Variants in MYBL2 observed in about 807,000 individuals in gnomAD.
MYBL2 encodes MYB proto-oncogene like 2.
Under a neutral mutation model 79.9 loss-of-function variants are expected in MYBL2, and 28 were observed. The ratio of observed to expected loss-of-function variants is 0.35; its 90% confidence interval spans 0.26 to 0.48. MYBL2 has a LOEUF of 0.48. Ranked by LOEUF, MYBL2 falls within the 20% of genes least tolerant of loss-of-function variation. The probability of loss-of-function intolerance (pLI) is 0.99; values close to 1 mark genes in which losing one functional copy is unlikely to be tolerated. For synonymous variants in MYBL2, 378 were observed against 361.2 expected (o/e 1.05, Z -0.53); for missense variants, 735 against 893.9 (o/e 0.82, Z 2.27).
At position 43,702,641 on chromosome 20, in the gene MYBL2, T is replaced by C. The variant is rs747340803; in HGVS notation, c.1103T>C (p.Val368Ala). Residue 368 changes from valine (V) to alanine (A), a missense_variant, in exon 8 of 14, where the codon GTG (valine) becomes GCG (alanine). Val to Ala is a moderately conservative substitution (Grantham distance 64, BLOSUM62 0). Around this residue, in one of 5 missense-constraint regions of MYBL2, gnomAD observed 243 missense variants for 327.2 expected, o/e 0.74. Transcript: ENST00000217026. ...PRQPSALVPS[V>A]TEYRLDGHTI... Reference sequence around the variant, plus strand: ...CAGCCTTCCGCCCTGGTGCCCAGTGTGACCGAGTACCGCCTGGATGGCCAC... The same window carrying C: ...CAGCCTTCCGCCCTGGTGCCCAGTGCGACCGAGTACCGCCTGGATGGCCAC... 6 of 1,614,098 alleles carry C rather than the reference T, an allele frequency of 3.7e-6. No homozygotes were observed. Among genetic ancestry groups the C allele is most frequent in the Admixed American group, 1.7e-5 (1 of 60,014 alleles).
At chr20:43,705,098 C>T (rs1987750402) in intron 8 of MYBL2, 121 bp from the exon 9 acceptor site, 1 of 1,291,540 alleles carries the variant, frequency 7.7e-7, no homozygotes, top group African/African-American at 1.5e-5. Context: ...GAGGGGACCT[C>T]AGTATCAGAG....
Position 43,699,944 on chromosome 20 carries a change from C to G in MYBL2, c.851C>G (p.Pro284Arg), listed in dbSNP as rs200262962. 2.5e-5 allele frequency: 40 copies of G among 1,614,042 alleles called. No individual in the cohort carries two copies. The highest frequency in any genetic ancestry group is 3.1e-5 in the Non-Finnish European group (37 of 1,180,044). Residue 284 changes from proline (P) to arginine (R), a missense_variant, in exon 7 of 14, where the codon CCA becomes CGA. By Grantham distance (103) the Pro-to-Arg change is moderately radical. This residue lies in a region of MYBL2 where 144 missense variants were observed against 131.9 expected (regional missense o/e 1.09). Coordinates refer to ENST00000217026, the MANE Select transcript of MYBL2 (RefSeq NM_002466.4). Reference sequence around the variant, plus strand: ...CGTGAGGACCAGGAAGGCTCCCCACCAGAAACGAGCCTGCCTTACAAGTGG... The same window carrying G: ...CGTGAGGACCAGGAAGGCTCCCCACGAGAAACGAGCCTGCCTTACAAGTGG... ...PKREDQEGSP[P>R]ETSLPYKWVV... is the part of the protein sequence containing the mutation.
At chr20:43,685,137 A>C (rs1354513221) in intron 4 of MYBL2, among the ~76,000 whole-genome samples, 1 of 88,372 alleles carries the variant, frequency 1.1e-5, no homozygotes, top group African/African-American at 3.8e-5. Flanking sequence ...GCAGGAGCGA[A>C]ACTCTGTCTC....
chr20:43,678,078 C>T (rs944274977), intron 2 of MYBL2, among the ~76,000 whole-genome samples: 1 of 150,342 alleles, frequency 6.7e-6, no homozygotes, highest in African/African-American at 2.5e-5. Flanking sequence ...GCAAGATGTG[C>T]TTTGTTAAAC....
intron 6 of MYBL2, among the ~76,000 whole-genome samples, chr20:43,695,730 C>T (rs1987524783): frequency 8.8e-6 from 1 of 113,836 alleles, no homozygotes; most frequent in South Asian, 3.4e-4. Context: ...CCTGTAGTTC[C>T]AACTACTTTG....
rs777564591 is a variant in MYBL2 at position 43,709,991 on chromosome 20, A to G, written c.1534A>G (p.Met512Val). The stretch of plus-strand genomic sequence containing the variant: ...TGTAACCCCAGATCAGAAGTACTCC[A>G]TGGACAACACTCCCCACACGCCAAC... Reference protein sequence around the residue: ...AFVTPDQKYSMDNTPHTPTPF... With the variant: ...AFVTPDQKYSVDNTPHTPTPF... Residue 512 changes from methionine to valine, a missense_variant, in exon 10 of 14, where the codon ATG becomes GTG. Physicochemically the swap from Met to Val is conservative, Grantham distance 21. This residue lies in a region of MYBL2 where 243 missense variants were observed against 327.2 expected (regional missense o/e 0.74). Coordinates refer to ENST00000217026, the MANE Select transcript of MYBL2 (RefSeq NM_002466.4). 2 of 1,608,798 alleles carry G rather than the reference A, an allele frequency of 1.2e-6. No homozygotes were observed. The highest frequency in any genetic ancestry group is 2.2e-5 in the East Asian group (1 of 44,712).
rs200574677 is a variant in MYBL2, at chr20:43,702,700, G to A, written c.1162G>A (p.Glu388Lys). ...ISDLSRSSRG[E>K]LIPISPSTEV... is the part of the protein sequence containing the mutation. ...AGACCTGAGCCGGAGCAGCCGGGGC[G>A]AGCTGATCCCCATCTCCCCCAGCAC... The change falls in exon 8 of 14, where the codon GAG (glutamate) becomes AAG (lysine). Residue 388 changes from glutamate to lysine, a missense_variant. Coordinates refer to ENST00000217026, the MANE Select transcript of MYBL2 (RefSeq NM_002466.4). 15 of 1,613,570 alleles carry A rather than the reference G, an allele frequency of 9.3e-6. No homozygotes were observed. The highest frequency in any genetic ancestry group is 3.3e-5 in the Admixed American group (2 of 60,010).
At chr20:43,675,096 C>T (rs1307263136) in intron 2 of MYBL2, among the ~76,000 whole-genome samples, 1 of 152,034 alleles carries the variant, frequency 6.6e-6, no homozygotes. Flanking sequence ...CCTCCCCCGT[C>T]AGCCTCCTGA....
chr20:43,678,710 T>A (rs1034479913), intron 2 of MYBL2, among the ~76,000 whole-genome samples: 2 of 151,600 alleles, frequency 1.3e-5, no homozygotes, highest in African/African-American at 2.4e-5. Context: ...TACAAAAAAT[T>A]AGCTGGGTGT....
chr20:43,677,105 G>A (rs1027360592), intron 2 of MYBL2, among the ~76,000 whole-genome samples: 10 of 152,160 alleles, frequency 6.6e-5, no homozygotes, highest in Non-Finnish European at 1.3e-4. Context: ...CATGAAAGAT[G>A]TTTTTCCAGA....
intron 7 of MYBL2, 92 bp downstream of exon 7, chr20:43,700,136 C>T (rs285164): frequency 0.19 from 288,275 of 1,486,884 alleles, 29,304 homozygotes; most frequent in East Asian, 0.32. Flanking sequence ...CTCATTCCAT[C>T]GCCCTGCTAA....
At chr20:43,711,955 A>G (rs1310527606) in intron 11 of MYBL2, among the ~76,000 whole-genome samples, 1 of 152,134 alleles carries the variant, frequency 6.6e-6, no homozygotes, top group Non-Finnish European at 1.5e-5. Flanking sequence ...CAGACACACC[A>G]TGACTGAATT....
chr20:43,679,980 C>T (rs536061511), intron 2 of MYBL2, among the ~76,000 whole-genome samples: 76 of 151,708 alleles, frequency 5.0e-4, no homozygotes, highest in Middle Eastern at 3.5e-3. Flanking sequence ...CACCCTCCAG[C>T]CCTTGGCAGC....
rs1368612020 is a variant in MYBL2 at position 43,699,961 on chromosome 20, T to C, written c.868T>C (p.Tyr290His). ...CTCCCCACCAGAAACGAGCCTGCCT[T>C]ACAAGTGGGTGGTGGAGGCAGCTAA... ...EGSPPETSLP[Y>H]KWVVEAANLL... The change falls in exon 7 of 14, where the codon TAC (tyrosine) becomes CAC (histidine). Residue 290 changes from tyrosine to histidine, a missense_variant. Physicochemically the swap from Tyr to His is moderately conservative, Grantham distance 83. Around this residue, in one of 5 missense-constraint regions of MYBL2, gnomAD observed 243 missense variants for 327.2 expected, o/e 0.74. Coordinates refer to ENST00000217026, the MANE Select transcript of MYBL2 (RefSeq NM_002466.4). The C allele has an allele frequency of 6.2e-7, 1 of 1,614,028 alleles. No homozygotes were observed. The highest frequency in any genetic ancestry group is 8.5e-7 in the Non-Finnish European group (1 of 1,180,020).
intron 3 of MYBL2, among the ~76,000 whole-genome samples, chr20:43,682,411 A>T (rs572727997): frequency 6.6e-6 from 1 of 152,160 alleles, no homozygotes; most frequent in Non-Finnish European, 1.5e-5. Context: ...ATGTCACCAG[A>T]TCCTTTCCTG....
At position 43,701,991 on chromosome 20, in the gene MYBL2, G is replaced by T. The variant is rs73624574; in HGVS notation, c.952-499G>T. On this transcript the variant is annotated intron_variant, in intron 7 of 13. Transcript: ENST00000217026. Reference sequence around the variant, plus strand: ...GACCAGCCTGGCCAATATGGGTGTGGTGGCACACGCCTGTAGTCCCAGCTA... The same window carrying T: ...GACCAGCCTGGCCAATATGGGTGTGTTGGCACACGCCTGTAGTCCCAGCTA... Among the ~76,000 whole-genome samples the T allele has an allele frequency of 2.3e-4, 35 of 152,342 alleles. No homozygotes were observed. The East Asian group carries it at 6.6e-3, about 29-fold the overall frequency.
chr20:43,689,814 G>A (rs1987364128), intron 5 of MYBL2, among the ~76,000 whole-genome samples: 1 of 152,214 alleles, frequency 6.6e-6, no homozygotes, highest in African/African-American at 2.4e-5. Flanking sequence ...CACAGTGGGT[G>A]CTTTTTATAT....
chr20:43,700,289 A>G (rs1987651982), intron 7 of MYBL2, among the ~76,000 whole-genome samples: 1 of 152,154 alleles, frequency 6.6e-6, no homozygotes, highest in Non-Finnish European at 1.5e-5. Flanking sequence ...TATGTATGGC[A>G]CAGGGCGGGG....
chr20:43,692,422 A>G, intron 6 of MYBL2, 103 bp downstream of exon 6: 2 of 1,437,390 alleles, frequency 1.4e-6, no homozygotes, highest in Non-Finnish European at 1.9e-6. Context: ...TCTGCCACAG[A>G]GTCTAAAAGT....
Sources: allele counts gnomAD v4.1 joint callset (sites outside exome capture counted in the v4.1 genomes callset), GRCh38; gene constraint gnomAD v4.1.1; regional missense constraint gnomAD v4.1.1; transcripts MANE v1.5; gene names NCBI Gene and HGNC (gene_info 2026-07-23, HGNC 2026-07-21).